MANBA: variants seen among roughly 807,000 people sequenced by gnomAD.
MANBA encodes the protein mannosidase beta, also known as beta-mannosidase.
MANBA carries 83 observed loss-of-function variants against 111.1 expected under a neutral mutation model. That is an observed-to-expected ratio of 0.75 (90% CI 0.63 to 0.90). The LOEUF is 0.90. Ranked by LOEUF, MANBA falls within the 40% of genes least tolerant of loss-of-function variation. The pLI is 0.00. For missense variants in MANBA, 1,036 were observed against 1,069.0 expected (o/e 0.97, Z 0.43); for synonymous variants, 370 against 378.7 (o/e 0.98, Z 0.27).
At chr4:102,680,809 T>C (rs959974648) in intron 7 of MANBA, among the ~76,000 whole-genome samples, 1 of 152,244 alleles carries the variant, frequency 6.6e-6, no homozygotes, top group African/African-American at 2.4e-5. Context: ...TTCTGTGCAT[T>C]CTGCAGCAGT....
Position 102,634,770 on chromosome 4 carries a change from G to A in MANBA, c.2415+18C>T, listed in dbSNP as rs368853958. The A allele has an allele frequency of 3.2e-5, 51 of 1,612,788 alleles. No individual in the cohort carries two copies. The African/African-American group carries it at 5.3e-4, about 17-fold the overall frequency. On this transcript the variant is annotated intron_variant, in intron 16 of 16. Coordinates refer to ENST00000647097, the MANE Select transcript of MANBA (RefSeq NM_005908.4). The stretch of plus-strand genomic sequence containing the variant: ...ACAAGGCCACAGTCCCCTGCCCTCC[G>A]CCATGACCTGTGCTTACAGTGATCT...
At chr4:102,714,618 T>A in intron 4 of MANBA, 57 bp from the exon 5 acceptor site, 1 of 1,526,148 alleles carries the variant, frequency 6.6e-7, no homozygotes, top group Non-Finnish European at 9.1e-7. Context: ...ATTTAAACAT[T>A]ATGAAAAACA....
chr4:102,692,968 C>A (rs1221929524), intron 5 of MANBA, among the ~76,000 whole-genome samples: 9 of 152,094 alleles, frequency 5.9e-5, no homozygotes, highest in African/African-American at 2.2e-4. Context: ...TAAAGATGAC[C>A]CCAGCACAGT....
chr4:102,631,817 C>T lies in MANBA; in HGVS notation c.*240G>A. On this transcript the variant is annotated 3_prime_UTR_variant, in exon 17 of 17. Coordinates refer to ENST00000647097, the MANE Select transcript of MANBA (RefSeq NM_005908.4). ...GCTGAGAGGTGAAGGGCTAAAAACA[C>T]AGTCCTGGCACAGATTCCAGGACAC... 2 of 604,122 alleles carry T rather than the reference C, an allele frequency of 3.3e-6. No individual in the cohort carries two copies. The highest frequency in any genetic ancestry group is 5.5e-5 in the East Asian group (2 of 36,492). The allele number at this position is 604,122 out of a possible 1,614,324, so 37.4% of individuals were successfully genotyped here. A position where few individuals can be genotyped will look rare whatever the true frequency, so the allele number is the denominator to read the frequency against.
intron 1 of MANBA, among the ~76,000 whole-genome samples, chr4:102,735,666 G>A (rs2110202417): frequency 6.6e-6 from 1 of 152,140 alleles, no homozygotes; most frequent in African/African-American, 2.4e-5. Context: ...ATAGCAAACA[G>A]CAGCTCAGGG....
chr4:102,696,679 G>A (rs983110361), intron 5 of MANBA, among the ~76,000 whole-genome samples: 6 of 152,144 alleles, frequency 3.9e-5, no homozygotes, highest in African/African-American at 1.4e-4. Context: ...TCACTGGGGG[G>A]AAAACCTATT....
chr4:102,707,883 G>A (rs569086822), intron 5 of MANBA, among the ~76,000 whole-genome samples: 16 of 152,022 alleles, frequency 1.1e-4, no homozygotes, highest in African/African-American at 3.6e-4. Flanking sequence ...ATAAAACAAA[G>A]TTTAAGTCAA....
intron 16 of MANBA, among the ~76,000 whole-genome samples, chr4:102,632,939 G>T (rs1469623023): frequency 6.6e-6 from 1 of 152,202 alleles, no homozygotes; most frequent in African/African-American, 2.4e-5. Flanking sequence ...GAGTGGGAGG[G>T]TTTGCAAACC....
chr4:102,684,375 T>C (rs1252808898), intron 7 of MANBA, among the ~76,000 whole-genome samples: 2 of 152,266 alleles, frequency 1.3e-5, no homozygotes. Flanking sequence ...AAGTCTCATA[T>C]AACCACTTTG....
At chr4:102,758,519 C>T (rs1233376918) in intron 1 of MANBA, among the ~76,000 whole-genome samples, 2 of 151,230 alleles carry the variant, frequency 1.3e-5, no homozygotes, top group Non-Finnish European at 2.9e-5. Flanking sequence ...CGATACTGAT[C>T]TGATGTTGAT....
At chr4:102,718,997 C>T (rs1042940320) in intron 4 of MANBA, among the ~76,000 whole-genome samples, 21 of 152,280 alleles carry the variant, frequency 1.4e-4, no homozygotes, top group Middle Eastern at 3.4e-3. Flanking sequence ...GTCTATGTCC[C>T]GCTGTGCAAA....
chr4:102,753,545 C>G (rs1410251169), intron 1 of MANBA: 2 of 152,190 alleles, frequency 1.3e-5, no homozygotes, highest in Non-Finnish European at 2.9e-5. Flanking sequence ...AACCAATTAA[C>G]TATTTGGAAG....
intron 5 of MANBA, among the ~76,000 whole-genome samples, chr4:102,704,255 G>C (rs1733194506): frequency 6.6e-6 from 1 of 152,126 alleles, no homozygotes; most frequent in South Asian, 2.1e-4. Flanking sequence ...TGTCTAGGCA[G>C]CAGGCAAGGT....
Position 102,690,414 on chromosome 4 carries a change from GA to G in MANBA, c.849+181del, listed in dbSNP as rs796664521. Among the ~76,000 whole-genome samples the G allele has an allele frequency of 6.6e-5, 10 of 152,104 alleles. 1 individual carries two copies. The highest frequency in any genetic ancestry group is 2.4e-4 in the African/African-American group (10 of 41,480). The stretch of plus-strand genomic sequence containing the variant: ...CTATTTTCTTAATCTTAAAGTTTGG[GA>G]AAATCATTCTTTAGCTCATACTCAC... On this transcript the variant is annotated intron_variant, in intron 6 of 16. Coordinates refer to ENST00000647097, the MANE Select transcript of MANBA (RefSeq NM_005908.4).
chr4:102,742,224 A>C lies in MANBA; in HGVS notation c.178-15541T>G, dbSNP rs568062917. Among the ~76,000 whole-genome samples the C allele has an allele frequency of 6.0e-4, 92 of 152,272 alleles. No individual in the cohort carries two copies. The South Asian group carries it at 0.015, about 25-fold the overall frequency. On this transcript the variant is annotated intron_variant, in intron 1 of 16. Coordinates refer to ENST00000647097, the MANE Select transcript of MANBA (RefSeq NM_005908.4). The stretch of plus-strand genomic sequence containing the variant: ...AGGTGGCAATCTTAACTTCTAGTTT[A>C]ATGGAATCATTGTGTCTCCTGGTGG...
intron 4 of MANBA, among the ~76,000 whole-genome samples, chr4:102,718,048 A>G (rs1057411019): frequency 2.6e-5 from 4 of 152,262 alleles, no homozygotes; most frequent in Admixed American, 2.6e-4. Flanking sequence ...AGTGGCAGAA[A>G]TGAAATGTGA....
At chr4:102,746,843 T>G (rs1229584426) in intron 1 of MANBA, among the ~76,000 whole-genome samples, 4 of 151,756 alleles carry the variant, frequency 2.6e-5, no homozygotes, top group African/African-American at 9.7e-5. Flanking sequence ...GTGGTGGCGG[T>G]CGCCTGTAGT....
chr4:102,722,772 T>C (rs919013945), intron 4 of MANBA, 99 bp downstream of exon 4: 2 of 1,261,152 alleles, frequency 1.6e-6, no homozygotes, highest in African/African-American at 3.0e-5. Flanking sequence ...AAGAGATTCC[T>C]AACTTCTGAA....
chr4:102,737,407 T>TG (rs1231960820), intron 1 of MANBA, among the ~76,000 whole-genome samples: 9 of 151,934 alleles, frequency 5.9e-5, no homozygotes, highest in South Asian at 2.1e-4. Context: ...TCAGTGCTGT[T>TG]GGGGGGGCAC....
Sources: gnomAD v4.1 joint callset for allele counts (sites outside exome capture counted in the v4.1 genomes callset) on GRCh38, gnomAD v4.1.1 for gene constraint, MANE v1.5 for transcripts, NCBI Gene and HGNC (gene_info 2026-07-23, HGNC 2026-07-21) for gene names.